Variants in KITLG observed in about 807,000 individuals in gnomAD.
The protein encoded by KITLG is c-Kit ligand.
In KITLG, 13 loss-of-function variants were observed where a neutral mutation model predicts 34.1. The ratio of observed to expected loss-of-function variants is 0.38; its 90% CI spans 0.25 to 0.61. The LOEUF (loss-of-function observed/expected upper bound fraction) is 0.61. Among genes scored for constraint, KITLG ranks in the 20% least tolerant of loss-of-function variants. The pLI is 0.60. For synonymous variants in KITLG, 110 were observed against 104.0 expected (o/e 1.06, Z -0.35); for missense variants, 292 against 318.9 (o/e 0.92, Z 0.64).
chr12:88,500,293 G>A (rs1308383744), intron 9 of KITLG, among the ~76,000 whole-genome samples: 1 of 152,192 alleles, frequency 6.6e-6, no homozygotes, highest in African/African-American at 2.4e-5. Flanking sequence ...CTGTATTTGG[G>A]TGTGCTCAAT....
chr12:88,503,078 A>C (rs1280454260), intron 9 of KITLG, among the ~76,000 whole-genome samples: 2 of 152,192 alleles, frequency 1.3e-5, no homozygotes, highest in Non-Finnish European at 2.9e-5. Flanking sequence ...CCTAGAAAGA[A>C]GTGGCAATGG....
At chr12:88,570,432 T>A (rs1409998665) in intron 1 of KITLG, among the ~76,000 whole-genome samples, 1 of 152,038 alleles carries the variant, frequency 6.6e-6, no homozygotes, top group African/African-American at 2.4e-5. Flanking sequence ...AAGCAACTCA[T>A]CACTCAACCA....
chr12:88,562,490 A>C (rs41311957), intron 1 of KITLG, among the ~76,000 whole-genome samples: 4 of 152,230 alleles, frequency 2.6e-5, no homozygotes, highest in African/African-American at 9.6e-5. Context: ...CAGACTGACT[A>C]AGGCAATGGC....
Position 88,505,153 on chromosome 12 carries a change from A to G in KITLG, c.*37+6T>C. 2 of 1,464,776 alleles carry G rather than the reference A, an allele frequency of 1.4e-6. No homozygotes were observed. Among genetic ancestry groups the G allele is most frequent in the Non-Finnish European group, 1.9e-6 (2 of 1,050,548 alleles). The allele number at this position is 1,464,776 out of a possible 1,614,324, so 90.7% of individuals were successfully genotyped here. On this transcript the variant is annotated splice_donor_region_variant and intron_variant, in intron 9 of 9. Transcript: ENST00000644744. The stretch of plus-strand genomic sequence containing the variant: ...GAAAAAAAAAGGAAAGAAGAAAAAA[A>G]CTTACCAATGTACGAAAGTAACAGT...
intron 2 of KITLG, among the ~76,000 whole-genome samples, chr12:88,540,859 G>A (rs1870495042): frequency 6.6e-6 from 1 of 151,808 alleles, no homozygotes; most frequent in African/African-American, 2.4e-5. Context: ...GCTGACCACA[G>A]GAGCAGAAAT....
chr12:88,518,608 A>G (rs767745274), intron 4 of KITLG, 89 bp downstream of exon 4: 28 of 963,266 alleles, frequency 2.9e-5, no homozygotes, highest in Non-Finnish European at 4.1e-5. Context: ...TATCATAAAT[A>G]AAGGTGCCTC....
At position 88,505,237 on chromosome 12, in the gene KITLG, T is replaced by C; in HGVS notation, c.783-2A>G. On this transcript the variant is annotated splice_acceptor_variant, in intron 8 of 9. Transcript: ENST00000644744. LOFTEE classifies it high-confidence loss of function. ...TCTCTCTCTTTCTCTTGCAACATACTGAAAAACAATAAGAAAAAATGCTTA... is the reference window on the plus strand; with the variant it reads ...TCTCTCTCTTTCTCTTGCAACATACCGAAAAACAATAAGAAAAAATGCTTA... 1.2e-6 allele frequency: 2 copies of C among 1,607,618 alleles called. No individual in the cohort carries two copies. The highest frequency in any genetic ancestry group is 1.7e-6 in the Non-Finnish European group (2 of 1,174,342).
At chr12:88,576,579 T>C (rs974588832) in intron 1 of KITLG, among the ~76,000 whole-genome samples, 2 of 152,130 alleles carry the variant, frequency 1.3e-5, no homozygotes, top group Non-Finnish European at 2.9e-5. Flanking sequence ...ATAATCATCA[T>C]ACAGATTACA....
intron 8 of KITLG, 61 bp downstream of exon 8, chr12:88,506,250 C>T: frequency 8.9e-7 from 1 of 1,123,476 alleles, no homozygotes; most frequent in Non-Finnish European, 1.4e-6. Flanking sequence ...TGGGCAGGTA[C>T]ACAGTGTGTG....
intron 3 of KITLG, among the ~76,000 whole-genome samples, chr12:88,528,825 ATTCTTGCAAC>A (rs1329413787): frequency 1.7e-4 from 26 of 152,338 alleles, no homozygotes; most frequent in Non-Finnish European, 3.2e-4. Flanking sequence ...TTCTTTAAAT[ATTCTTGCAAC>A]GTTTTTGTAA....
At chr12:88,534,841 A>T (rs1870249674) in intron 2 of KITLG, 1 of 355,786 alleles carries the variant, frequency 2.8e-6, no homozygotes. Flanking sequence ...CTTTGAAAGG[A>T]AAAAGCGTCT....
intron 3 of KITLG, among the ~76,000 whole-genome samples, chr12:88,519,439 G>C (rs968350941): frequency 2.0e-5 from 3 of 151,970 alleles, no homozygotes; most frequent in Non-Finnish European, 2.9e-5. Context: ...TTGTTATTAA[G>C]AATAACATTG....
chr12:88,508,556 C>CGTGTGTGTGT (rs139771009), intron 6 of KITLG, among the ~76,000 whole-genome samples: 14 of 147,680 alleles, frequency 9.5e-5, no homozygotes, highest in East Asian at 8.0e-4. Context: ...TGTGTGCTCA[C>CGTGTGTGTGT]GTGTGTGTGT....
intron 2 of KITLG, among the ~76,000 whole-genome samples, chr12:88,539,712 A>G (rs897752966): frequency 6.6e-6 from 1 of 152,114 alleles, no homozygotes; most frequent in Non-Finnish European, 1.5e-5. Flanking sequence ...GCTTAAAGCC[A>G]GGAGTTTGAG....
intron 1 of KITLG, among the ~76,000 whole-genome samples, chr12:88,566,115 C>T (rs59950862): frequency 0.028 from 4,216 of 152,236 alleles, 209 homozygotes; most frequent in African/African-American, 0.096. Flanking sequence ...TCTCTTCTAC[C>T]ACCCAAAGTG....
At chr12:88,533,686 T>C (rs1870193031) in intron 2 of KITLG, among the ~76,000 whole-genome samples, 1 of 152,188 alleles carries the variant, frequency 6.6e-6, no homozygotes, top group Non-Finnish European at 1.5e-5. Context: ...TTCCTTCACC[T>C]TGTCTCTAAA....
chr12:88,511,349 C>A (rs1215754316), intron 6 of KITLG, among the ~76,000 whole-genome samples: 1 of 152,144 alleles, frequency 6.6e-6, no homozygotes. Context: ...GACAGGGCAT[C>A]CACACTAAGT....
intron 7 of KITLG, 65 bp from the exon 8 acceptor site, chr12:88,506,443 A>G: frequency 8.9e-7 from 1 of 1,119,876 alleles, no homozygotes; most frequent in Non-Finnish European, 1.4e-6. Flanking sequence ...TTAAGAGGTA[A>G]GTGGACTCCA....
At chr12:88,545,919 T>C (rs1247159182) in intron 1 of KITLG, 54 bp from the exon 2 acceptor site, 1 of 1,068,714 alleles carries the variant, frequency 9.4e-7, no homozygotes, top group African/African-American at 1.6e-5. Context: ...TCTGTAATCA[T>C]TCAAACTTTT....
Sources: allele counts gnomAD v4.1 joint callset (sites outside exome capture counted in the v4.1 genomes callset), GRCh38; gene constraint gnomAD v4.1.1; transcripts MANE v1.5; gene names NCBI Gene and HGNC (gene_info 2026-07-23, HGNC 2026-07-21).